The following APBB1 variants were observed in gnomAD, a reference collection of about 807,000 sequenced individuals.
APBB1 encodes adaptor protein FE65a2.
Under a neutral mutation model 78.4 loss-of-function variants are expected in APBB1, and 22 were observed. That is an observed-to-expected ratio of 0.28 (90% CI 0.20 to 0.40). The LOEUF (loss-of-function observed/expected upper bound fraction) is 0.40. Ranked by LOEUF, APBB1 falls within the 10% of genes least tolerant of loss-of-function variation. The pLI, the probability that APBB1 is intolerant of heterozygous loss-of-function variation, is 1.00. For missense variants in APBB1, 749 were observed against 932.4 expected (o/e 0.80, Z 2.56); for synonymous variants, 369 against 372.7 (o/e 0.99, Z 0.12).
chr11:6,405,048 C>T (rs1010867886), intron 2 of APBB1: 4 of 1,415,178 alleles, frequency 2.8e-6, no homozygotes, highest in African/African-American at 2.9e-5. Flanking sequence ...CATGAGACCC[C>T]AGCCCCTTCT....
In APBB1 at chr11:6,411,148, G is replaced by T. The variant is rs201513100; in HGVS notation, c.200C>A (p.Ala67Asp). The T allele has an allele frequency of 2.5e-6, 4 of 1,610,000 alleles. No homozygotes were observed. The highest frequency in any genetic ancestry group is 3.4e-6 in the Non-Finnish European group (4 of 1,179,800). The change falls in exon 2 of 15, where the codon GCC (alanine) becomes GAC (aspartate). Residue 67 changes from alanine (A) to aspartate (D), a missense_variant. Coordinates refer to ENST00000609360, the MANE Select transcript of APBB1 (RefSeq NM_001164.5). The surrounding 1 kb of genome is among the most constrained non-coding windows in gnomAD (Gnocchi z 5.2). ...GTTCTGGCCCTCTTTTAGCCACTTG[G>T]CATTGGCAGGGCCTGGCTCAGGCCC... Reference protein sequence around the residue: ...GGGPEPGPANAKWLKEGQNQL... With the variant: ...GGGPEPGPANDKWLKEGQNQL...
chr11:6,404,561 G>C, intron 2 of APBB1: 1 of 1,532,394 alleles, frequency 6.5e-7, no homozygotes, highest in Non-Finnish European at 8.7e-7. Flanking sequence ...CCTGACCCTT[G>C]CTGCACACAG....
At chr11:6,397,366 C>T (rs1332839828) in intron 12 of APBB1, among the ~76,000 whole-genome samples, 1 of 152,166 alleles carries the variant, frequency 6.6e-6, no homozygotes, top group Admixed American at 6.5e-5. Context: ...CAAAAGCATA[C>T]AAGTCTTCCA....
In APBB1 at chr11:6,401,409, A is replaced by T. The variant is rs767975624; in HGVS notation, c.1524T>A (p.Asn508Lys). ...AGAGTCCATTTACCAAGCAGCGGGC[A>T]TTACGCCGTTCGGCCATGATCTGAG... ...ICSKIMAERR[N>K]ARCLVNGLSL... Residue 508 changes from asparagine (N) to lysine (K), a missense_variant, in exon 11 of 15, where the codon AAT (asparagine) becomes AAA (lysine). Coordinates refer to ENST00000609360, the MANE Select transcript of APBB1 (RefSeq NM_001164.5). This position sits in a 1 kb window ranked among gnomAD's most constrained non-coding sequence, Gnocchi z 4.5. 2 of 1,614,066 alleles carry T rather than the reference A, an allele frequency of 1.2e-6. No homozygotes were observed. The highest frequency in any genetic ancestry group is 2.2e-5 in the South Asian group (2 of 91,078).
At chr11:6,412,370 C>T (rs541681987) in intron 1 of APBB1, among the ~76,000 whole-genome samples, 27 of 152,300 alleles carry the variant, frequency 1.8e-4, no homozygotes, top group African/African-American at 6.5e-4. Flanking sequence ...TCAGGCTGAT[C>T]TCAAACTCCT....
At chr11:6,404,045 C>T in intron 2 of APBB1, 1 of 453,102 alleles carries the variant, frequency 2.2e-6, no homozygotes, top group East Asian at 3.3e-5. Context: ...CTGTTGGTGG[C>T]TAATGTGGCC....
At position 6,408,322 on chromosome 11, in the gene APBB1, G is replaced by GAAA. The variant is rs942624791; in HGVS notation, c.721+2302_721+2304dup. 3.0e-3 allele frequency among the ~76,000 whole-genome samples: 449 copies of GAAA among 151,838 alleles called. 3 individuals carry two copies. Among genetic ancestry groups the GAAA allele is most frequent in the African/African-American group, 0.01 (434 of 41,382 alleles). ...AAGCAAAACTGCAAACAACAACAACGAAAAAAATAGAAGGGGAACTTGATC... is the reference window on the plus strand; with the variant it reads ...AAGCAAAACTGCAAACAACAACAACGAAAAAAAAAATAGAAGGGGAACTTGATC... On this transcript the variant is annotated intron_variant, in intron 2 of 14. Coordinates refer to ENST00000609360, the MANE Select transcript of APBB1 (RefSeq NM_001164.5).
chr11:6,408,933 C>G (rs889529671), intron 2 of APBB1, among the ~76,000 whole-genome samples: 1 of 152,114 alleles, frequency 6.6e-6, no homozygotes, highest in Admixed American at 6.5e-5. Flanking sequence ...GCCACTGTGC[C>G]CAGGCTCAAT....
Position 6,410,838 on chromosome 11 carries a change from C to G in APBB1, c.510G>C (p.Glu170Asp), listed in dbSNP as rs1264710924. ...GCCCTGGGGGAGAAGATAAGTCCTCCTCCTCCTCTTCATCATCATCATCCT... is the reference window on the plus strand; with the variant it reads ...GCCCTGGGGGAGAAGATAAGTCCTCGTCCTCCTCTTCATCATCATCATCCT... The part of the protein sequence containing the change: ...EEEDDDDEEE[E>D]EDLSSPPGLP... The change falls in exon 2 of 15, where the codon GAG (glutamate) becomes GAC (aspartate). Residue 170 changes from glutamate (E) to aspartate (D), a missense_variant. Physicochemically the swap from Glu to Asp is conservative, Grantham distance 45. Coordinates refer to ENST00000609360, the MANE Select transcript of APBB1 (RefSeq NM_001164.5). 2 of 1,613,896 alleles carry G rather than the reference C, an allele frequency of 1.2e-6. No individual in the cohort carries two copies. The highest frequency in any genetic ancestry group is 1.7e-6 in the Non-Finnish European group (2 of 1,179,912).
Position 6,410,887 on chromosome 11 carries a change from G to A in APBB1, c.461C>T (p.Ala154Val). Residue 154 changes from alanine to valine, a missense_variant, in exon 2 of 15, where the codon GCC becomes GTC. By Grantham distance (64) the Ala-to-Val change is moderately conservative. This residue lies in a region of APBB1 where 635 missense variants were observed against 765.0 expected (regional missense o/e 0.83). Transcript: ENST00000609360. ...CTCCTCCTCCTCCTCGGCCTCCCCG[G>A]CCGCCTTCTCCTCTCCCTCATCTGG... is the stretch of plus-strand genomic sequence containing the variant. Reference protein sequence around the residue: ...QGPDEGEEKAAGEAEEEEEDD... With the variant: ...QGPDEGEEKAVGEAEEEEEDD... 6.2e-7 allele frequency: 1 copy of A among 1,614,034 alleles called. No homozygotes were observed. The highest frequency in any genetic ancestry group is 1.3e-5 in the African/African-American group (1 of 75,060).
Position 6,418,829 on chromosome 11 carries a change from G to C in APBB1, c.-15+156C>G, listed in dbSNP as rs1417192930. On this transcript the variant is annotated intron_variant, in intron 1 of 14. Coordinates refer to ENST00000609360, the MANE Select transcript of APBB1 (RefSeq NM_001164.5). Reference sequence around the variant, plus strand: ...CCTGCGATGGTGGGTATGAGAGGACGGTCTGCGGGCGCGCGGTGGAAGGGC... The same window carrying C: ...CCTGCGATGGTGGGTATGAGAGGACCGTCTGCGGGCGCGCGGTGGAAGGGC... Among the ~76,000 whole-genome samples the C allele has an allele frequency of 2.0e-5, 3 of 152,302 alleles. No individual in the cohort carries two copies. In the South Asian group the frequency reaches 6.2e-4, roughly 32 times the overall value.
rs934552192 is a variant in APBB1 at position 6,411,555 on chromosome 11, G to A, written c.-14-194C>T. The stretch of plus-strand genomic sequence containing the variant: ...CACTATCATCCCCATCACAGTCCAG[G>A]CCCAGGTCTGAGGCCCACCCCATCC... On this transcript the variant is annotated intron_variant, in intron 1 of 14. Transcript: ENST00000609360. The surrounding 1 kb of genome is among the most constrained non-coding windows in gnomAD (Gnocchi z 5.2). Among the ~76,000 whole-genome samples, 12 of 152,086 alleles carry A rather than the reference G, an allele frequency of 7.9e-5. No homozygotes were observed. The highest frequency in any genetic ancestry group is 2.9e-4 in the African/African-American group (12 of 41,400).
At chr11:6,419,264 C>T (rs1006964628), upstream of APBB1, 1 of 286,982 alleles carries the variant, frequency 3.5e-6, no homozygotes. Flanking sequence ...GTCCAGCCCT[C>T]CCAGCAGACA....
In APBB1 at chr11:6,410,822, G is replaced by A; in HGVS notation, c.526C>T (p.Pro176Ser). Residue 176 changes from proline (P) to serine (S), a missense_variant, in exon 2 of 15, where the codon CCC becomes TCC. Transcript: ENST00000609360. ...TCCAGGGGCTCAGGCAGCCCTGGGGGAGAAGATAAGTCCTCCTCCTCCTCT... is the reference window on the plus strand; with the variant it reads ...TCCAGGGGCTCAGGCAGCCCTGGGGAAGAAGATAAGTCCTCCTCCTCCTCT... ...DEEEEEDLSS[P>S]PGLPEPLESV... 1.9e-6 allele frequency: 3 copies of A among 1,613,812 alleles called. No individual in the cohort carries two copies. Among genetic ancestry groups the A allele is most frequent in the East Asian group, 2.2e-5 (1 of 44,876 alleles).
At chr11:6,402,353 G>T in intron 7 of APBB1, 144 bp from the exon 8 acceptor site, 1 of 1,253,978 alleles carries the variant, frequency 8.0e-7, no homozygotes. Context: ...CCTCACTCTA[G>T]TGGAGGTCAC....
chr11:6,406,505 A>G (rs1848805271), intron 2 of APBB1, among the ~76,000 whole-genome samples: 1 of 152,098 alleles, frequency 6.6e-6, no homozygotes, highest in Admixed American at 6.5e-5. Flanking sequence ...TTCTTCTGAG[A>G]TGCTAAACTA....
At chr11:6,414,069 C>T (rs942609822) in intron 1 of APBB1, among the ~76,000 whole-genome samples, 1 of 152,186 alleles carries the variant, frequency 6.6e-6, no homozygotes, top group African/African-American at 2.4e-5. Context: ...AACGCCTGCA[C>T]TCGTTCGCAG....
Position 6,402,120 on chromosome 11 carries a change from G to A in APBB1, c.1344C>T (p.Ile448=). The change falls in exon 8 of 15, where the codon ATC becomes ATT. Residue 448 remains isoleucine, a synonymous_variant. Transcript: ENST00000609360. ...GCCCGACGCCCCACACGCGGATGCT[G>A]ATGATGGGTTGGGCGTGCAGCAGTG... ...SQALLHAQPI[I]SIRVWGVGRD... 1 of 1,614,152 alleles carries A rather than the reference G, an allele frequency of 6.2e-7. No individual in the cohort carries two copies. Among genetic ancestry groups the A allele is most frequent in the Non-Finnish European group, 8.5e-7 (1 of 1,180,024 alleles).
rs200929716 is a variant in APBB1 at position 6,403,478 on chromosome 11, C to G, written c.954+10G>C. 1,185 of 1,614,080 alleles carry G rather than the reference C, an allele frequency of 7.3e-4. 2 individuals carry two copies. The highest frequency in any genetic ancestry group is 9.8e-4 in the Non-Finnish European group (1,151 of 1,180,032). Reference sequence around the variant, plus strand: ...AGCTATCCCGTGGTAAAGCAGGTCCCCTTACCCACCTTCCAAAATTCTCCA... The same window carrying G: ...AGCTATCCCGTGGTAAAGCAGGTCCGCTTACCCACCTTCCAAAATTCTCCA... On this transcript the variant is annotated intron_variant, in intron 4 of 14. Coordinates refer to ENST00000609360, the MANE Select transcript of APBB1 (RefSeq NM_001164.5). The surrounding 1 kb of genome is among the most constrained non-coding windows in gnomAD (Gnocchi z 5.3).
Sources: gnomAD v4.1 joint callset for allele counts (sites outside exome capture counted in the v4.1 genomes callset) on GRCh38, gnomAD v4.1.1 for gene constraint, gnomAD v4.1.1 regional missense constraint, Gnocchi (gnomAD v3.1) non-coding constraint, MANE v1.5 for transcripts, NCBI Gene and HGNC (gene_info 2026-07-23, HGNC 2026-07-21) for gene names.